Variants in B3GALT1 observed in about 807,000 individuals in gnomAD.
B3GALT1 encodes the protein UDP-Gal:betaGlcNAc beta 1,3-galactosyltransferase, polypeptide 1.
Under a neutral mutation model 23.2 loss-of-function variants are expected in B3GALT1, and 10 were observed. The observed-to-expected ratio is 0.43, with a 90% CI of 0.27 to 0.73. The LOEUF (loss-of-function observed/expected upper bound fraction) is 0.73. Ranked by LOEUF, B3GALT1 falls within the 30% of genes least tolerant of loss-of-function variation. The pLI is 0.21. For missense variants in B3GALT1, 299 were observed against 405.4 expected (o/e 0.74, Z 2.25); for synonymous variants, 156 against 141.5 (o/e 1.10, Z -0.73).
intron 1 of B3GALT1, among the ~76,000 whole-genome samples, chr2:167,313,086 A>G (rs140665769): frequency 4.6e-5 from 7 of 152,232 alleles, no homozygotes; most frequent in Admixed American, 6.5e-5. Flanking sequence ...CAGTTTTCCA[A>G]TGTAATAATC....
chr2:167,791,779 C>T lies in B3GALT1; in HGVS notation c.-351-26893C>T, dbSNP rs114835338. On this transcript the variant is annotated intron_variant, in intron 3 of 4. Coordinates refer to ENST00000392690, the MANE Select transcript of B3GALT1 (RefSeq NM_020981.4). The stretch of plus-strand genomic sequence containing the variant: ...CAAAATTGTATTTTCTCCTTGTAAA[C>T]GAGGATGAAAATTACATTGTTTTGA... 3.0e-3 allele frequency among the ~76,000 whole-genome samples: 460 copies of T among 151,732 alleles called. 1 individual carries two copies. Among genetic ancestry groups the T allele is most frequent in the Non-Finnish European group, 4.5e-3 (306 of 67,944 alleles).
intron 1 of B3GALT1, among the ~76,000 whole-genome samples, chr2:167,333,810 A>G (rs926695447): frequency 2.0e-5 from 3 of 152,166 alleles, no homozygotes; most frequent in African/African-American, 4.8e-5. Flanking sequence ...AGCCCAAACT[A>G]TGGTGAAGTT....
chr2:167,570,110 A>T (rs1363379577), intron 2 of B3GALT1, among the ~76,000 whole-genome samples: 2 of 151,612 alleles, frequency 1.3e-5, no homozygotes, highest in African/African-American at 4.8e-5. Context: ...TTTATGAGAG[A>T]TACTGGTTTG....
intron 2 of B3GALT1, among the ~76,000 whole-genome samples, chr2:167,564,611 G>A (rs1012537121): frequency 2.6e-5 from 4 of 152,066 alleles, no homozygotes; most frequent in African/African-American, 7.2e-5. Flanking sequence ...CTGCAATCCC[G>A]GCACCTCGGG....
chr2:167,343,936 A>G (rs1486166044), intron 1 of B3GALT1, among the ~76,000 whole-genome samples: 2 of 152,140 alleles, frequency 1.3e-5, no homozygotes, highest in East Asian at 1.9e-4. Context: ...TCTGATTTGT[A>G]CTCACATAGC....
rs141989251 is a variant in B3GALT1 at position 167,410,794 on chromosome 2, T to C, written c.-510-79383T>C. 3.7e-3 allele frequency among the ~76,000 whole-genome samples: 557 copies of C among 152,180 alleles called. 7 individuals carry two copies. The highest frequency in any genetic ancestry group is 0.013 in the African/African-American group (534 of 41,524). On this transcript the variant is annotated intron_variant, in intron 1 of 4. Transcript: ENST00000392690. ...CTCCAAAAGCACAGAACTATGAGGC[T>C]TTTTGGCAAAGGGGCATGCAAATTA...
chr2:167,665,148 A>G (rs1686150858), intron 3 of B3GALT1, among the ~76,000 whole-genome samples: 1 of 151,336 alleles, frequency 6.6e-6, no homozygotes, highest in Admixed American at 6.6e-5. Flanking sequence ...TCAATACCTA[A>G]TTTATTGAGA....
At chr2:167,653,232 C>CAAA (rs1425919374) in intron 3 of B3GALT1, among the ~76,000 whole-genome samples, 76 of 152,218 alleles carry the variant, frequency 5.0e-4, no homozygotes, top group African/African-American at 1.8e-3. Context: ...GTATTTAGTA[C>CAAA]AAAAAGGTCT....
At chr2:167,640,595 T>C (rs184167033) in intron 2 of B3GALT1, among the ~76,000 whole-genome samples, 104 of 152,180 alleles carry the variant, frequency 6.8e-4, no homozygotes, top group African/African-American at 2.3e-3. Context: ...TGAGTAGATA[T>C]TGTGCAGACC....
intron 2 of B3GALT1, among the ~76,000 whole-genome samples, chr2:167,638,233 A>G (rs1048647050): frequency 7.9e-5 from 12 of 152,064 alleles, no homozygotes; most frequent in African/African-American, 2.9e-4. Flanking sequence ...GTAAAGTTTA[A>G]CTAAAATGTG....
At chr2:167,624,210 A>G (rs1389758015) in intron 2 of B3GALT1, among the ~76,000 whole-genome samples, 2 of 152,108 alleles carry the variant, frequency 1.3e-5, no homozygotes, top group South Asian at 4.1e-4. Flanking sequence ...GGAAGTTTAG[A>G]TGCATTTTCA....
chr2:167,663,559 T>C (rs1305669975), intron 3 of B3GALT1, among the ~76,000 whole-genome samples: 1 of 151,724 alleles, frequency 6.6e-6, no homozygotes. Context: ...ATGGTTGAAC[T>C]AGTTTACAGT....
At chr2:167,501,722 A>G (rs2105348567) in intron 2 of B3GALT1, among the ~76,000 whole-genome samples, 1 of 148,142 alleles carries the variant, frequency 6.8e-6, no homozygotes, top group East Asian at 2.0e-4. Flanking sequence ...CAGTGGCAAA[A>G]AAAAAAAAAA....
intron 3 of B3GALT1, among the ~76,000 whole-genome samples, chr2:167,754,648 C>G (rs1310318978): frequency 6.6e-6 from 1 of 152,022 alleles, no homozygotes; most frequent in Non-Finnish European, 1.5e-5. Context: ...TATATATAGC[C>G]AGGCCACTCA....
intron 3 of B3GALT1, among the ~76,000 whole-genome samples, chr2:167,723,984 T>C (rs1687271022): frequency 2.0e-5 from 3 of 152,218 alleles, no homozygotes; most frequent in Admixed American, 2.0e-4. Flanking sequence ...TAGTGAAATA[T>C]TGAGTGACAG....
chr2:167,749,053 T>C (rs1687694040), intron 3 of B3GALT1, among the ~76,000 whole-genome samples: 1 of 152,206 alleles, frequency 6.6e-6, no homozygotes, highest in South Asian at 2.1e-4. Flanking sequence ...CTAAGATGCA[T>C]GTATTTTTGT....
Position 167,588,580 on chromosome 2 carries a change from G to A in B3GALT1, c.-409-58329G>A, listed in dbSNP as rs1365890291. ...TTTTCTATATTTATCAGATTCAGTA[G>A]CATCTCAATATTTTACTTTGCCTTT... is the stretch of plus-strand genomic sequence containing the variant. On this transcript the variant is annotated intron_variant, in intron 2 of 4. Transcript: ENST00000392690. 2.0e-5 allele frequency among the ~76,000 whole-genome samples: 3 copies of A among 152,118 alleles called. No homozygotes were observed. The East Asian group carries it at 5.8e-4, about 29-fold the overall frequency.
intron 1 of B3GALT1, among the ~76,000 whole-genome samples, chr2:167,430,152 T>C (rs1468525254): frequency 6.6e-6 from 1 of 152,172 alleles, no homozygotes; most frequent in African/African-American, 2.4e-5. Context: ...GAAGGAGGTC[T>C]CTTCAGAAGG....
chr2:167,513,478 A>G (rs1700058921), intron 2 of B3GALT1, among the ~76,000 whole-genome samples: 2 of 152,224 alleles, frequency 1.3e-5, no homozygotes, highest in Admixed American at 1.3e-4. Context: ...GGAAATTTGA[A>G]CATCAACTGG....
Sources: allele counts gnomAD v4.1 joint callset (sites outside exome capture counted in the v4.1 genomes callset), GRCh38; gene constraint gnomAD v4.1.1; transcripts MANE v1.5; gene names NCBI Gene and HGNC (gene_info 2026-07-23, HGNC 2026-07-21).